The following FSTL5 variants were observed in gnomAD, a reference collection of about 807,000 sequenced individuals.
FSTL5 encodes the protein follistatin like 5.
FSTL5 carries 62 observed loss-of-function variants against 89.1 expected under a neutral mutation model. The observed-to-expected ratio is 0.70, with a 90% CI of 0.57 to 0.86. FSTL5 has a LOEUF of 0.86. Ranked by LOEUF, FSTL5 falls within the 40% of genes least tolerant of loss-of-function variation. The pLI is 0.00. For missense variants in FSTL5, 1,057 were observed against 1,001.6 expected (o/e 1.06, Z -0.75); for synonymous variants, 383 against 346.2 (o/e 1.11, Z -1.18).
At chr4:161,502,596 T>C (rs757595279) in intron 11 of FSTL5, among the ~76,000 whole-genome samples, 1 of 151,928 alleles carries the variant, frequency 6.6e-6, no homozygotes, top group Admixed American at 6.6e-5. Context: ...ACTCAGCTTA[T>C]GAAATAAAAC....
chr4:161,764,786 T>C (rs6811460), intron 5 of FSTL5, among the ~76,000 whole-genome samples: 152,198 of 152,256 alleles, frequency 1, 76,070 homozygotes, highest in Non-Finnish European at 1. Flanking sequence ...ACATGAATAC[T>C]AAGTTTTTAA....
rs148444198 is a variant in FSTL5 at position 161,759,774 on chromosome 4, T to C, written c.607-243A>G. ...CGTTCAAACGTTCTAATATAAAAGT[T>C]TCACAGTGGAACTCAACAAATCTGA... On this transcript the variant is annotated intron_variant, in intron 5 of 15. Transcript: ENST00000306100. Among the ~76,000 whole-genome samples the C allele has an allele frequency of 2.6e-3, 392 of 152,304 alleles. 6 individuals are homozygous for C. Among genetic ancestry groups the C allele is most frequent in the Non-Finnish European group, 4.8e-3 (325 of 68,030 alleles).
chr4:162,149,256 C>A (rs1733129948), intron 1 of FSTL5, among the ~76,000 whole-genome samples: 1 of 152,032 alleles, frequency 6.6e-6, no homozygotes, highest in South Asian at 2.1e-4. Context: ...CGCCTGTAAT[C>A]CCAGCACTTT....
chr4:161,472,767 C>T (rs942539195), intron 13 of FSTL5, among the ~76,000 whole-genome samples: 5 of 150,914 alleles, frequency 3.3e-5, no homozygotes, highest in Non-Finnish European at 7.4e-5. Flanking sequence ...TCACTCTTGC[C>T]AGGCTGGAGT....
intron 7 of FSTL5, among the ~76,000 whole-genome samples, chr4:161,614,526 A>G (rs1734771985): frequency 6.6e-6 from 1 of 152,172 alleles, no homozygotes; most frequent in African/African-American, 2.4e-5. Context: ...ACAACCTTAG[A>G]GAGAACTGGA....
chr4:161,945,667 G>T (rs972872842), intron 3 of FSTL5, among the ~76,000 whole-genome samples: 2 of 152,172 alleles, frequency 1.3e-5, no homozygotes, highest in African/African-American at 4.8e-5. Flanking sequence ...CAGGAGAATT[G>T]CTTGAACCTG....
rs375149777 is a variant in FSTL5 at position 161,683,877 on chromosome 4, G to A, written c.728-27383C>T. ...CAAAATACACTGCACCCAATTTGTG[G>A]TCTTTTATCCCTCACCTCCTTCCCA... On this transcript the variant is annotated intron_variant, in intron 6 of 15. Coordinates refer to ENST00000306100, the MANE Select transcript of FSTL5 (RefSeq NM_020116.5). Among the ~76,000 whole-genome samples, 3 of 152,172 alleles carry A rather than the reference G, an allele frequency of 2.0e-5. No homozygotes were observed. The East Asian group carries it at 5.8e-4, about 29-fold the overall frequency.
At chr4:161,590,063 C>T (rs979490869) in intron 7 of FSTL5, among the ~76,000 whole-genome samples, 2 of 152,106 alleles carry the variant, frequency 1.3e-5, no homozygotes, top group African/African-American at 4.8e-5. Context: ...CCAACAGCCA[C>T]ATACAACATA....
intron 7 of FSTL5, among the ~76,000 whole-genome samples, chr4:161,648,607 T>C (rs909893509): frequency 1.3e-5 from 2 of 152,210 alleles, no homozygotes; most frequent in Non-Finnish European, 2.9e-5. Flanking sequence ...ACAATAACTT[T>C]CTGTAAGACA....
chr4:161,811,234 C>A (rs1730135803), intron 4 of FSTL5, among the ~76,000 whole-genome samples: 1 of 152,026 alleles, frequency 6.6e-6, no homozygotes, highest in African/African-American at 2.4e-5. Context: ...GAAGAAACAA[C>A]CAGAGTGCCA....
intron 1 of FSTL5, among the ~76,000 whole-genome samples, chr4:162,144,511 G>C (rs1161586300): frequency 6.6e-6 from 1 of 152,064 alleles, no homozygotes; most frequent in East Asian, 1.9e-4. Flanking sequence ...CTCAAATACA[G>C]AGTGTGTGAT....
chr4:161,881,384 G>C (rs1732625737), intron 4 of FSTL5, among the ~76,000 whole-genome samples: 1 of 151,544 alleles, frequency 6.6e-6, no homozygotes, highest in African/African-American at 2.4e-5. Flanking sequence ...AAGGGTATTT[G>C]GGAAATATTC....
intron 4 of FSTL5, among the ~76,000 whole-genome samples, chr4:161,876,078 A>C (rs1732432764): frequency 1.3e-5 from 2 of 152,240 alleles, no homozygotes; most frequent in African/African-American, 4.8e-5. Context: ...TTTGTTATAC[A>C]TTTGTTGCAA....
At position 161,386,374 on chromosome 4, in the gene FSTL5, T is replaced by A; in HGVS notation, c.1917A>T (p.Thr639=). ...CGCACTTATAGTCCTTCAAGTTAAT[T>A]GTCTTGATGTATGACATGGTTTCAA... ...IDLETMSYIK[T]INLKDYKCVP... is the part of the protein sequence containing the mutation. Residue 639 remains threonine, a synonymous_variant, in exon 16 of 16, where the codon ACA becomes ACT. Coordinates refer to ENST00000306100, the MANE Select transcript of FSTL5 (RefSeq NM_020116.5). 1 of 1,613,894 alleles carries A rather than the reference T, an allele frequency of 6.2e-7. No homozygotes were observed. The highest frequency in any genetic ancestry group is 8.5e-7 in the Non-Finnish European group (1 of 1,179,876).
chr4:161,386,505 G>A, intron 15 of FSTL5, 56 bp from the exon 16 acceptor site: 2 of 1,255,622 alleles, frequency 1.6e-6, no homozygotes, highest in Admixed American at 2.4e-5. Context: ...TTAGCCGTAA[G>A]AAAAAAACTA....
intron 7 of FSTL5, among the ~76,000 whole-genome samples, chr4:161,616,251 A>C (rs1301750689): frequency 4.0e-5 from 6 of 151,780 alleles, no homozygotes; most frequent in African/African-American, 1.5e-4. Context: ...CATGCCCGCT[A>C]ATCTTTTTGT....
At chr4:161,620,910 C>T (rs536841100) in intron 7 of FSTL5, among the ~76,000 whole-genome samples, 1 of 152,022 alleles carries the variant, frequency 6.6e-6, no homozygotes, top group African/African-American at 2.4e-5. Flanking sequence ...CTGACAGAAC[C>T]TCAGGGAGAA....
intron 3 of FSTL5, among the ~76,000 whole-genome samples, chr4:161,984,456 T>C (rs192208169): frequency 4.3e-4 from 65 of 152,254 alleles, no homozygotes; most frequent in Middle Eastern, 6.8e-3. Context: ...ATTCTCCCAA[T>C]TGGTGCAAGT....
intron 8 of FSTL5, among the ~76,000 whole-genome samples, chr4:161,563,107 C>T (rs75611324): frequency 0.071 from 10,726 of 151,914 alleles, 688 homozygotes; most frequent in East Asian, 0.32. Flanking sequence ...TTTCTTTCTG[C>T]CTTCCAAACC....
Sources: allele counts gnomAD v4.1 joint callset (sites outside exome capture counted in the v4.1 genomes callset), GRCh38; gene constraint gnomAD v4.1.1; transcripts MANE v1.5; gene names NCBI Gene and HGNC (gene_info 2026-07-23, HGNC 2026-07-21).